Variants in IQCB1 observed in about 807,000 individuals in gnomAD.
IQCB1 encodes the protein IQ motif containing B1.
In IQCB1, 56 loss-of-function variants were observed where a neutral mutation model predicts 84.4. The observed-to-expected ratio is 0.66, with a 90% confidence interval of 0.54 to 0.83. The LOEUF (loss-of-function observed/expected upper bound fraction) is 0.83. Ranked by LOEUF, IQCB1 falls within the 40% of genes least tolerant of loss-of-function variation. IQCB1 has a pLI of 0.00. For missense variants in IQCB1, 629 were observed against 682.1 expected, an observed-to-expected ratio of 0.92 and a Z score of 0.87; for synonymous variants, 210 against 234.8, an observed-to-expected ratio of 0.89 and a Z score of 0.96.
At chr3:121,829,780 G>T (rs1445889605) in intron 2 of IQCB1, among the ~76,000 whole-genome samples, 1 of 152,150 alleles carries the variant, frequency 6.6e-6, no homozygotes, top group Admixed American at 6.5e-5. Context: ...TCCCTTCACT[G>T]TAATAAATCA....
chr3:121,827,786 C>T (rs1050222341), intron 4 of IQCB1, among the ~76,000 whole-genome samples: 3 of 151,648 alleles, frequency 2.0e-5, no homozygotes, highest in African/African-American at 7.3e-5. Context: ...TTAGGAAAAA[C>T]AAAAAAAGAA....
At chr3:121,810,401 G>A (rs192969722) in intron 5 of IQCB1, among the ~76,000 whole-genome samples, 202 of 152,132 alleles carry the variant, frequency 1.3e-3, no homozygotes, top group African/African-American at 4.7e-3. Context: ...CTGTGGTTAA[G>A]TGGCCTTACT....
intron 7 of IQCB1, among the ~76,000 whole-genome samples, chr3:121,799,715 T>A (rs1459305910): frequency 6.6e-6 from 1 of 151,812 alleles, no homozygotes; most frequent in East Asian, 1.9e-4. Context: ...TTCAAGGCAA[T>A]GATAAAAGTG....
At chr3:121,785,779 A>G (rs1445487304) in intron 12 of IQCB1, among the ~76,000 whole-genome samples, 3 of 152,154 alleles carry the variant, frequency 2.0e-5, no homozygotes, top group South Asian at 2.1e-4. Flanking sequence ...ACACATTTCA[A>G]TTTGGACTAG....
At chr3:121,793,529 C>T (rs1426583229) in intron 10 of IQCB1, among the ~76,000 whole-genome samples, 1 of 152,062 alleles carries the variant, frequency 6.6e-6, no homozygotes, top group East Asian at 1.9e-4. Flanking sequence ...GAGACATTTG[C>T]ATGAACTGTT....
In IQCB1 at chr3:121,822,005, G is replaced by T. The variant is rs144150538; in HGVS notation, c.393+4046C>A. 3.7e-4 allele frequency among the ~76,000 whole-genome samples: 56 copies of T among 152,336 alleles called. No individual in the cohort carries two copies. The East Asian group carries it at 0.01, about 28-fold the overall frequency. ...AGATTGACCCTCTCCCACATAAAGG[G>T]AAATTCCTCTTGCCTGACTGCCTTT... On this transcript the variant is annotated intron_variant, in intron 5 of 14. Transcript: ENST00000310864.
chr3:121,785,304 G>A (rs1247321284), intron 12 of IQCB1, among the ~76,000 whole-genome samples: 1 of 150,896 alleles, frequency 6.6e-6, no homozygotes, highest in Non-Finnish European at 1.5e-5. Flanking sequence ...CCAGGCTAGA[G>A]TGCAGTGGTG....
intron 5 of IQCB1, among the ~76,000 whole-genome samples, chr3:121,813,627 T>G (rs1209344481): frequency 6.6e-6 from 1 of 152,188 alleles, no homozygotes; most frequent in Non-Finnish European, 1.5e-5. Context: ...GCAATCCTAG[T>G]CTCTGATAAG....
intron 10 of IQCB1, among the ~76,000 whole-genome samples, chr3:121,794,942 T>C (rs12489686): frequency 0.1 from 15,554 of 152,148 alleles, 847 homozygotes; most frequent in South Asian, 0.15. Flanking sequence ...TCTGTGACCT[T>C]GGAGGATCTG....
chr3:121,776,400 T>C (rs1948229282), intron 13 of IQCB1, among the ~76,000 whole-genome samples: 1 of 152,166 alleles, frequency 6.6e-6, no homozygotes, highest in East Asian at 1.9e-4. Flanking sequence ...ATATGATAGA[T>C]GTATGTTTAA....
intron 12 of IQCB1, 126 bp from the exon 13 acceptor site, chr3:121,782,000 G>T: frequency 1.1e-6 from 1 of 926,334 alleles, no homozygotes; most frequent in Non-Finnish European, 1.7e-6. Context: ...ATAAGGAGGG[G>T]AATGGGACTG....
intron 9 of IQCB1, among the ~76,000 whole-genome samples, chr3:121,796,232 C>CTTCTT (rs990444479): frequency 8.7e-4 from 133 of 152,110 alleles, no homozygotes; most frequent in African/African-American, 3.2e-3. Flanking sequence ...AAGGAATTCC[C>CTTCTT]TTCTTCTGCA....
At chr3:121,833,218 C>G (rs1708035293) in intron 2 of IQCB1, among the ~76,000 whole-genome samples, 3 of 152,196 alleles carry the variant, frequency 2.0e-5, no homozygotes, top group Non-Finnish European at 1.5e-5. Flanking sequence ...TACCATCATA[C>G]TACATTTTAA....
chr3:121,786,187 A>AAAGAAAAGAAAAGAAAAGAG (rs1948722510), intron 12 of IQCB1, among the ~76,000 whole-genome samples: 1 of 138,566 alleles, frequency 7.2e-6, no homozygotes, highest in Non-Finnish European at 1.5e-5. Flanking sequence ...AAAGAAAAGA[A>AAAGAAAAGAAAAGAAAAGAG]AAGAAAAGAA....
intron 12 of IQCB1, among the ~76,000 whole-genome samples, chr3:121,782,922 G>A (rs535783253): frequency 3.9e-5 from 6 of 152,224 alleles, no homozygotes; most frequent in African/African-American, 1.4e-4. Context: ...TGATCTGCCC[G>A]CCTCGGCCTC....
chr3:121,816,712 GA>G (rs1198602313), intron 5 of IQCB1, among the ~76,000 whole-genome samples: 1 of 152,124 alleles, frequency 6.6e-6, no homozygotes, highest in Non-Finnish European at 1.5e-5. Flanking sequence ...ACCACAATGA[GA>G]TACCCTCTCA....
chr3:121,803,064 C>CT (rs1357598168), intron 7 of IQCB1, among the ~76,000 whole-genome samples: 1 of 151,540 alleles, frequency 6.6e-6, no homozygotes, highest in African/African-American at 2.4e-5. Flanking sequence ...TTGCTTTTTT[C>CT]TTTTTTTTGA....
rs778122300 is a variant in IQCB1 at position 121,828,645 on chromosome 3, G to A, written c.101-13C>T. The A allele has an allele frequency of 1.7e-5, 27 of 1,562,738 alleles. No homozygotes were observed. The highest frequency in any genetic ancestry group is 2.4e-5 in the Non-Finnish European group (27 of 1,135,044). On this transcript the variant is annotated splice_polypyrimidine_tract_variant and intron_variant, in intron 3 of 14. Transcript: ENST00000310864. Reference sequence around the variant, plus strand: ...ATGTTTATTATTTCTAAGGCAAAAGGAAATAAGATATATTTATTTTTGCTT... The same window carrying A: ...ATGTTTATTATTTCTAAGGCAAAAGAAAATAAGATATATTTATTTTTGCTT...
chr3:121,819,866 T>C (rs2108622254), intron 5 of IQCB1, among the ~76,000 whole-genome samples: 1 of 152,226 alleles, frequency 6.6e-6, no homozygotes, highest in African/African-American at 2.4e-5. Context: ...TATTTTATAT[T>C]AGCATTTTTA....
Sources: allele counts gnomAD v4.1 joint callset (sites outside exome capture counted in the v4.1 genomes callset), GRCh38; gene constraint gnomAD v4.1.1; transcripts MANE v1.5; gene names NCBI Gene and HGNC (gene_info 2026-07-23, HGNC 2026-07-21).